The following CCDC7 variants were observed in gnomAD, a reference collection of about 807,000 sequenced individuals.
CCDC7 encodes coiled-coil domain containing 7.
CCDC7 carries 183 observed loss-of-function variants against 196.9 expected under a neutral mutation model. The observed-to-expected ratio is 0.93, with a 90% confidence interval of 0.82 to 1.05. The LOEUF is 1.05. Among genes scored for constraint, CCDC7 ranks in the 50% least tolerant of loss-of-function variants. The pLI, the probability that CCDC7 is intolerant of heterozygous loss-of-function variation, is 0.00. For missense variants in CCDC7, 1,540 were observed against 1,482.2 expected (o/e 1.04, Z -0.64); for synonymous variants, 525 against 484.6 (o/e 1.08, Z -1.10).
chr10:32,517,869 A>T (rs1454946216), intron 9 of CCDC7, 76 bp from the exon 11 acceptor site: 1 of 1,523,056 alleles, frequency 6.6e-7, no homozygotes, highest in Non-Finnish European at 8.9e-7. Flanking sequence ...AAGAAAAAAA[A>T]AGAAAATGTG....
At chr10:32,851,620 T>A (rs531569798) in intron 39 of CCDC7, among the ~76,000 whole-genome samples, 187 bp from the exon 41 acceptor site, 1 of 152,306 alleles carries the variant, frequency 6.6e-6, no homozygotes, top group East Asian at 1.9e-4. Flanking sequence ...CTGGATGACC[T>A]GTCTCTTGTT....
chr10:32,595,158 G>T (rs2060193245), intron 18 of CCDC7, among the ~76,000 whole-genome samples: 1 of 152,200 alleles, frequency 6.6e-6, no homozygotes, highest in South Asian at 2.1e-4. Flanking sequence ...GGCAGAATTT[G>T]GCTGTGAATC....
At chr10:32,875,032 T>C (rs553311749) in intron 41 of CCDC7, among the ~76,000 whole-genome samples, 1 of 152,092 alleles carries the variant, frequency 6.6e-6, no homozygotes, top group African/African-American at 2.4e-5. Context: ...TTTCCCAGCA[T>C]CATTTAATGA....
chr10:32,570,155 G>A (rs1443042176), intron 15 of CCDC7, among the ~76,000 whole-genome samples: 1 of 152,038 alleles, frequency 6.6e-6, no homozygotes, highest in Non-Finnish European at 1.5e-5. Context: ...TGAACCAATT[G>A]CGCTCTTCTC....
At chr10:32,562,452 C>A (rs2055883558) in intron 13 of CCDC7, among the ~76,000 whole-genome samples, 1 of 152,196 alleles carries the variant, frequency 6.6e-6, no homozygotes, top group Admixed American at 6.5e-5. Flanking sequence ...GCTTATCCAC[C>A]ATGATCAAGT....
intron 29 of CCDC7, among the ~76,000 whole-genome samples, chr10:32,799,445 C>T (rs1336812696): frequency 1.3e-5 from 2 of 152,118 alleles, no homozygotes; most frequent in Non-Finnish European, 2.9e-5. Context: ...TGTTCTGGAC[C>T]CCACTAAAAA....
chr10:32,748,958 A>T lies in CCDC7; in HGVS notation c.2905+19501A>T, dbSNP rs372848926. Among the ~76,000 whole-genome samples, 20 of 152,286 alleles carry T rather than the reference A, an allele frequency of 1.3e-4. No homozygotes were observed. In the South Asian group the frequency reaches 3.5e-3, roughly 27 times the overall value. On this transcript the variant is annotated intron_variant, in intron 28 of 41. Coordinates refer to ENST00000639629, the Ensembl canonical transcript of CCDC7. ...TGTGAGAACCTGGTACAGCTCCTGG[A>T]GGCAAAACTCACAAAAGTGTGGAAA... is the stretch of plus-strand genomic sequence containing the variant.
At chr10:32,784,869 G>T (rs1186715337) in intron 29 of CCDC7, among the ~76,000 whole-genome samples, 1 of 151,808 alleles carries the variant, frequency 6.6e-6, no homozygotes. Context: ...GGGCTTGGTG[G>T]CACACGCGTG....
chr10:32,816,934 C>A (rs988104875), intron 31 of CCDC7, among the ~76,000 whole-genome samples: 1 of 152,188 alleles, frequency 6.6e-6, no homozygotes, highest in Non-Finnish European at 1.5e-5. Context: ...AGTGCCTCTC[C>A]TCCTCCAAAG....
chr10:32,824,623 A>C lies in CCDC7; in HGVS notation c.3268+19A>C, dbSNP rs543223965. 1 of 1,531,778 alleles carries C rather than the reference A, an allele frequency of 6.5e-7. No homozygotes were observed. Among genetic ancestry groups the C allele is most frequent in the Non-Finnish European group, 9.0e-7 (1 of 1,109,396 alleles). The allele number at this position is 1,531,778 out of a possible 1,614,324, so 94.9% of individuals were successfully genotyped here. A position where few individuals can be genotyped will look rare whatever the true frequency, so the allele number is the denominator to read the frequency against. On this transcript the variant is annotated intron_variant, in intron 32 of 41. Transcript: ENST00000639629. ...TACCCTGGTAAGAATAAGAATTTTTAAAATCTACTTATGGTTTCCTATCTT... is the reference window on the plus strand; with the variant it reads ...TACCCTGGTAAGAATAAGAATTTTTCAAATCTACTTATGGTTTCCTATCTT...
At chr10:32,780,417 A>G (rs1292465650) in intron 29 of CCDC7, among the ~76,000 whole-genome samples, 3 of 152,210 alleles carry the variant, frequency 2.0e-5, no homozygotes, top group African/African-American at 7.2e-5. Flanking sequence ...CAAAAGACAA[A>G]TATATAAAAA....
intron 20 of CCDC7, among the ~76,000 whole-genome samples, chr10:32,641,611 C>G (rs1332095564): frequency 1.3e-5 from 2 of 152,182 alleles, no homozygotes; most frequent in African/African-American, 4.8e-5. Flanking sequence ...CCTCCTTTAG[C>G]TTGGAGTAGT....
At chr10:32,814,281 C>A in intron 30 of CCDC7, 89 bp from the exon 32 acceptor site, 1 of 918,908 alleles carries the variant, frequency 1.1e-6, no homozygotes, top group Non-Finnish European at 1.7e-6. Context: ...GTTAGTAACA[C>A]ACACACATAT....
downstream of CCDC7, chr10:32,876,705 C>T (rs145610848): frequency 4.6e-6 from 1 of 217,662 alleles, no homozygotes; most frequent in African/African-American, 2.3e-5. Flanking sequence ...ATTTTTTGAA[C>T]AATGCATAAC....
chr10:32,669,060 T>C (rs574791530), intron 21 of CCDC7, among the ~76,000 whole-genome samples: 5 of 152,262 alleles, frequency 3.3e-5, no homozygotes, highest in African/African-American at 1.2e-4. Flanking sequence ...TTTATTGTGG[T>C]GAGGTACAAT....
chr10:32,674,227 T>C (rs1481336792), intron 21 of CCDC7, among the ~76,000 whole-genome samples: 1 of 151,974 alleles, frequency 6.6e-6, no homozygotes, highest in African/African-American at 2.4e-5. Context: ...ATTATCAACT[T>C]TCCTTATGGT....
At chr10:32,567,626 A>T (rs1461475894) in intron 14 of CCDC7, 44 bp from the exon 16 acceptor site, 10 of 1,549,406 alleles carry the variant, frequency 6.5e-6, no homozygotes, top group Middle Eastern at 2.3e-4. Context: ...TTGGCAGGAA[A>T]ATATCAGAAA....
At chr10:32,644,051 TTTTA>T (rs2067324613) in intron 20 of CCDC7, among the ~76,000 whole-genome samples, 1 of 152,050 alleles carries the variant, frequency 6.6e-6, no homozygotes, top group Non-Finnish European at 1.5e-5. Context: ...CTCTCTTCCT[TTTTA>T]TTTAAGATTT....
chr10:32,452,020 C>T (rs2033200255), intron 1 of CCDC7, 99 bp downstream of exon 2: 1 of 1,409,672 alleles, frequency 7.1e-7, no homozygotes, highest in African/African-American at 1.5e-5. Flanking sequence ...TATAGTCATA[C>T]CGATGGCTAA....
Sources: allele counts gnomAD v4.1 joint callset (sites outside exome capture counted in the v4.1 genomes callset), GRCh38; gene constraint gnomAD v4.1.1; transcripts MANE v1.5; gene names NCBI Gene and HGNC (gene_info 2026-07-23, HGNC 2026-07-21).